Variants in KLF5 observed in about 807,000 individuals in gnomAD.
The protein encoded by KLF5 is Krueppel-like factor 5.
In KLF5, 9 loss-of-function variants were observed where a neutral mutation model predicts 36.9. That is an observed-to-expected ratio of 0.24 (90% CI 0.15 to 0.43). The LOEUF (loss-of-function observed/expected upper bound fraction) is 0.43, where lower values mean the gene tolerates loss of function less well. KLF5 is among the 20% of genes least tolerant of loss of function. The pLI, the probability that KLF5 is intolerant of heterozygous loss-of-function variation, is 1.00. For missense variants in KLF5, 524 were observed against 599.5 expected, an observed-to-expected ratio of 0.87 and a Z score of 1.31; for synonymous variants, 246 against 241.7, an observed-to-expected ratio of 1.02 and a Z score of -0.17.
At chr13:73,073,577 TA>T (rs2139118061) in intron 3 of KLF5, among the ~76,000 whole-genome samples, 1 of 152,358 alleles carries the variant, frequency 6.6e-6, no homozygotes, top group South Asian at 2.1e-4. Flanking sequence ...TTCTGCTATT[TA>T]ATTATTAAAT....
chr13:73,076,171 G>T lies in KLF5; in HGVS notation c.*285G>T, dbSNP rs1374885518. The T allele has an allele frequency of 3.6e-6, 1 of 276,782 alleles. No individual in the cohort carries two copies. Among genetic ancestry groups the T allele is most frequent in the Non-Finnish European group, 6.7e-6 (1 of 149,736 alleles). 17.1% of individuals were successfully genotyped at this position (276,782 alleles called of 1,614,324 possible). A position where few individuals can be genotyped will look rare whatever the true frequency, so the allele number is the denominator to read the frequency against. On this transcript the variant is annotated 3_prime_UTR_variant, in exon 4 of 4. Coordinates refer to ENST00000377687, the MANE Select transcript of KLF5 (RefSeq NM_001730.5). Reference sequence around the variant, plus strand: ...GTCTCAACATGGGTAAGGGGTGGGGGTGGAGGGGAGTGTGTGCAGCGTTTT... The same window carrying T: ...GTCTCAACATGGGTAAGGGGTGGGGTTGGAGGGGAGTGTGTGCAGCGTTTT...
intron 3 of KLF5, among the ~76,000 whole-genome samples, chr13:73,066,122 A>T (rs865976776): frequency 6.6e-6 from 1 of 152,182 alleles, no homozygotes; most frequent in Non-Finnish European, 1.5e-5. Flanking sequence ...TAGTCTTTCA[A>T]ATGCCTTGGG....
chr13:73,071,978 T>C (rs1472123437), intron 3 of KLF5, among the ~76,000 whole-genome samples: 1 of 152,226 alleles, frequency 6.6e-6, no homozygotes, highest in Non-Finnish European at 1.5e-5. Flanking sequence ...CTTTATCAGA[T>C]ATTGATTGAG....
intron 3 of KLF5, among the ~76,000 whole-genome samples, chr13:73,066,615 A>C (rs2044681917): frequency 6.6e-6 from 1 of 152,248 alleles, no homozygotes; most frequent in Non-Finnish European, 1.5e-5. Context: ...TTAGGCAATG[A>C]AAACAGCCTA....
chr13:73,074,063 A>G (rs372114106), intron 3 of KLF5, among the ~76,000 whole-genome samples: 1 of 152,232 alleles, frequency 6.6e-6, no homozygotes, highest in South Asian at 2.1e-4. Context: ...GAGAGGAAGT[A>G]TGGCACAGCA....
rs139385588 is a variant in KLF5 at position 73,072,208 on chromosome 13, C to T, written c.1196-3500C>T. Among the ~76,000 whole-genome samples, 1,183 of 150,208 alleles carry T rather than the reference C, an allele frequency of 7.9e-3. 23 individuals are homozygous for T. Among genetic ancestry groups the T allele is most frequent in the African/African-American group, 0.027 (1,117 of 41,076 alleles). ...ACTTCCCATTCCATTGTGATAGGTT[C>T]AGAAGTCATTCAGAGGGGGGAAAAA... On this transcript the variant is annotated intron_variant, in intron 3 of 3. Transcript: ENST00000377687.
At chr13:73,064,211 A>G (rs1023370748) in intron 3 of KLF5, among the ~76,000 whole-genome samples, 1 of 152,154 alleles carries the variant, frequency 6.6e-6, no homozygotes, top group Non-Finnish European at 1.5e-5. Flanking sequence ...AAAACAAAAC[A>G]AAACTCATTT....
In KLF5 at chr13:73,059,198, G is replaced by T; in HGVS notation, c.-130G>T. On this transcript the variant is annotated 5_prime_UTR_variant, in exon 1 of 4. Coordinates refer to ENST00000377687, the MANE Select transcript of KLF5 (RefSeq NM_001730.5). ...GCGCCTTCGAAAACTGCCTGCCGCT[G>T]TCTGAGGAGTCCACCCGAAACCTCC... 1.2e-6 allele frequency: 1 copy of T among 853,222 alleles called. No homozygotes were observed. The highest frequency in any genetic ancestry group is 1.6e-6 in the Non-Finnish European group (1 of 636,200). The allele number at this position is 853,222 out of a possible 1,614,324, so 52.9% of individuals were successfully genotyped here. A position where few individuals can be genotyped will look rare whatever the true frequency, so the allele number is the denominator to read the frequency against.
Position 73,062,786 on chromosome 13 carries a change from TGTGTCTGTGTGCGCGCGCGTGTGC to T in KLF5, c.1135+57_1135+80del, listed in dbSNP as rs1487573526. The T allele has an allele frequency of 4.6e-6, 7 of 1,527,886 alleles. No homozygotes were observed. The African/African-American group carries it at 1.1e-4, about 24-fold the overall frequency. 94.6% of individuals were successfully genotyped at this position (1,527,886 alleles called of 1,614,324 possible). On this transcript the variant is annotated intron_variant, in intron 2 of 3. Coordinates refer to ENST00000377687, the MANE Select transcript of KLF5 (RefSeq NM_001730.5). Reference sequence around the variant, plus strand: ...TCAATAGATGTAGTGTGTGTGTGTGTGTGTCTGTGTGCGCGCGCGTGTGCGTGTGTGCACGCGCGTGCCCTTTTC... The same window carrying T: ...TCAATAGATGTAGTGTGTGTGTGTGTGTGTGTGCACGCGCGTGCCCTTTTC...
intron 3 of KLF5, 94 bp from the exon 4 acceptor site, chr13:73,075,614 A>G (rs2044754027): frequency 1.6e-5 from 18 of 1,123,798 alleles, no homozygotes; most frequent in Non-Finnish European, 2.3e-5. Flanking sequence ...CGCTTGGCCA[A>G]GATTTTTTTT....
chr13:73,075,954 G>A lies in KLF5; in HGVS notation c.*68G>A. 7.9e-7 allele frequency: 1 copy of A among 1,265,028 alleles called. No homozygotes were observed. The highest frequency in any genetic ancestry group is 3.2e-5 in the Admixed American group (1 of 30,914). 78.4% of individuals were successfully genotyped at this position (1,265,028 alleles called of 1,614,324 possible). A position where few individuals can be genotyped will look rare whatever the true frequency, so the allele number is the denominator to read the frequency against. On this transcript the variant is annotated 3_prime_UTR_variant, in exon 4 of 4. Transcript: ENST00000377687. ...AAATGACAGACCTAACTATTCCTGT[G>A]TAAAAACAACAAAAACAAACAAAAG...
At chr13:73,061,737 ACT>A (rs1384712000) in intron 1 of KLF5, 122 bp from the exon 2 acceptor site, 1 of 794,568 alleles carries the variant, frequency 1.3e-6, no homozygotes, top group Non-Finnish European at 2.1e-6. Flanking sequence ...TATAAGCAAC[ACT>A]GAGGAGTTTG....
intron 1 of KLF5, 184 bp downstream of exon 1, chr13:73,059,772 AATG>A: frequency 1.8e-6 from 1 of 541,036 alleles, no homozygotes; most frequent in Non-Finnish European, 2.2e-6. Flanking sequence ...GCTGAGAGTA[AATG>A]GGGGGGGGGG....
At chr13:73,059,705 G>A (rs2044616538) in intron 1 of KLF5, 117 bp downstream of exon 1, 1 of 964,724 alleles carries the variant, frequency 1.0e-6, no homozygotes, top group South Asian at 4.9e-5. Flanking sequence ...GGGCGCACCG[G>A]AGCCGGTGCT....
In KLF5 at chr13:73,062,595, T is replaced by C. The variant is rs772288772; in HGVS notation, c.996T>C (p.Ile332=). Residue 332 remains isoleucine, a synonymous_variant, in exon 2 of 4, where the codon ATT becomes ATC. Coordinates refer to ENST00000377687, the MANE Select transcript of KLF5 (RefSeq NM_001730.5). Reference sequence around the variant, plus strand: ...CACCTCCATCCTATGCTGCTACAATTGCTTCTAAACTGGCAATTCACAATC... The same window carrying C: ...CACCTCCATCCTATGCTGCTACAATCGCTTCTAAACTGGCAATTCACAATC... ...LTPPPSYAAT[I]ASKLAIHNPN... is the part of the protein sequence containing the mutation. 48 of 1,614,112 alleles carry C rather than the reference T, an allele frequency of 3.0e-5. No individual in the cohort carries two copies. The highest frequency in any genetic ancestry group is 1.8e-5 in the Non-Finnish European group (21 of 1,180,048).
At position 73,059,322 on chromosome 13, in the gene KLF5, G is replaced by A; in HGVS notation, c.-6G>A. 7.2e-7 allele frequency: 1 copy of A among 1,380,546 alleles called. No individual in the cohort carries two copies. The highest frequency in any genetic ancestry group is 3.1e-5 in the East Asian group (1 of 32,402). 85.5% of individuals were successfully genotyped at this position (1,380,546 alleles called of 1,614,324 possible). ...CCCGCGCCTGGAGCTGCGCCCCCGA[G>A]TGCCCATGGCTACAAGGGTGCTGAG... On this transcript the variant is annotated 5_prime_UTR_variant, in exon 1 of 4. In the 5' UTR this introduces an upstream ATG that the reference lacks. Coordinates refer to ENST00000377687, the MANE Select transcript of KLF5 (RefSeq NM_001730.5).
rs1047528781 is a variant in KLF5, at chr13:73,076,000, C to G, written c.*114C>G. ...AAAAGCAAGAAAACCACAACTAAAACTGGAAATGTATATTTTGTATATTTG... is the reference window on the plus strand; with the variant it reads ...AAAAGCAAGAAAACCACAACTAAAAGTGGAAATGTATATTTTGTATATTTG... On this transcript the variant is annotated 3_prime_UTR_variant, in exon 4 of 4. Coordinates refer to ENST00000377687, the MANE Select transcript of KLF5 (RefSeq NM_001730.5). 2 of 848,168 alleles carry G rather than the reference C, an allele frequency of 2.4e-6. No homozygotes were observed. The highest frequency in any genetic ancestry group is 1.7e-5 in the African/African-American group (1 of 58,342). The allele number at this position is 848,168 out of a possible 1,614,324, so 52.5% of individuals were successfully genotyped here.
In KLF5 at chr13:73,059,551, C is replaced by T; in HGVS notation, c.224C>T (p.Ala75Val). 1 of 1,172,326 alleles carries T rather than the reference C, an allele frequency of 8.5e-7. No homozygotes were observed. The highest frequency in any genetic ancestry group is 1.0e-6 in the Non-Finnish European group (1 of 953,744). 72.6% of individuals were successfully genotyped at this position (1,172,326 alleles called of 1,614,324 possible). A position where few individuals can be genotyped will look rare whatever the true frequency, so the allele number is the denominator to read the frequency against. ...GCCCCGCAGCCGGCCCAGCCGCCCG[C>T]CACCGGCCCGCGGCTGCCTCCAGAG... ...AQAPQPAQPPATGPRLPPEDL... is the reference protein window; with the variant it reads ...AQAPQPAQPPVTGPRLPPEDL... The change falls in exon 1 of 4, where the codon GCC becomes GTC. Residue 75 changes from alanine to valine, a missense_variant. Ala to Val is a moderately conservative substitution (Grantham distance 64). Around this residue, in one of 4 missense-constraint regions of KLF5, gnomAD observed 454 missense variants for 458.1 expected, o/e 0.99. Transcript: ENST00000377687.
chr13:73,056,839 T>C (rs1281736916), upstream of KLF5, among the ~76,000 whole-genome samples: 2 of 152,162 alleles, frequency 1.3e-5, no homozygotes, highest in Non-Finnish European at 2.9e-5. Context: ...ATTCAGTTAC[T>C]ATAAGAACCC....
Sources: gnomAD v4.1 joint callset for allele counts (sites outside exome capture counted in the v4.1 genomes callset) on GRCh38, gnomAD v4.1.1 for gene constraint, gnomAD v4.1.1 regional missense constraint, MANE v1.5 for transcripts, NCBI Gene and HGNC (gene_info 2026-07-23, HGNC 2026-07-21) for gene names.